Variants in TLE1 observed in about 807,000 individuals in gnomAD.
TLE1 encodes the protein TLE family member 1, transcriptional corepressor, also known as transducin-like enhancer protein 1.
In TLE1, 21 loss-of-function variants were observed where a neutral mutation model predicts 89.8. That is an observed-to-expected ratio of 0.23 (90% confidence interval 0.17 to 0.34). TLE1 has a LOEUF of 0.34. Among genes scored for constraint, TLE1 ranks in the 10% least tolerant of loss-of-function variants. The probability of loss-of-function intolerance (pLI) is 1.00; values close to 1 mark genes in which losing one functional copy is unlikely to be tolerated. For missense variants in TLE1, 795 were observed against 1,031.2 expected, an observed-to-expected ratio of 0.77 and a Z score of 3.14; for synonymous variants, 447 against 407.6, an observed-to-expected ratio of 1.10 and a Z score of -1.16.
At chr9:81,594,485 G>C (rs1008917327) in intron 14 of TLE1, among the ~76,000 whole-genome samples, 1 of 151,598 alleles carries the variant, frequency 6.6e-6, no homozygotes, top group Non-Finnish European at 1.5e-5. Context: ...TGGACAATGA[G>C]AACAATGAGA....
At chr9:81,620,987 C>A in intron 8 of TLE1, 1 of 437,910 alleles carries the variant, frequency 2.3e-6, no homozygotes, top group Non-Finnish European at 4.5e-6. Flanking sequence ...TCTAAAAAGG[C>A]ACAAAGGAAG....
Position 81,641,492 on chromosome 9 carries a change from T to C in TLE1, c.373-7191A>G, listed in dbSNP as rs74332268. 7.7e-3 allele frequency among the ~76,000 whole-genome samples: 1,177 copies of C among 152,270 alleles called. 17 individuals are homozygous for C. The highest frequency in any genetic ancestry group is 0.025 in the African/African-American group (1,018 of 41,538). On this transcript the variant is annotated intron_variant, in intron 6 of 19. Coordinates refer to ENST00000376499, the MANE Select transcript of TLE1 (RefSeq NM_005077.5). ...CAATGCAGGAGCACACAGAAAATGATGCATGGGCAACCTAAGGAATGGGAG... is the reference window on the plus strand; with the variant it reads ...CAATGCAGGAGCACACAGAAAATGACGCATGGGCAACCTAAGGAATGGGAG...
chr9:81,647,772 T>C (rs10867791), intron 6 of TLE1, among the ~76,000 whole-genome samples: 40,338 of 152,016 alleles, frequency 0.27, 5,408 homozygotes, highest in Non-Finnish European at 0.29. Context: ...GGCAGCTAAG[T>C]ATCCTCCCCA....
Position 81,593,204 on chromosome 9 carries a change from C to T in TLE1, c.1402G>A (p.Gly468Arg), listed in dbSNP as rs747017689. Reference sequence around the variant, plus strand: ...CGAGCATGCCGGGGGATTCCGGGTCCGATGAGGGCGTCGGGGGGAAAAGGG... The same window carrying T: ...CGAGCATGCCGGGGGATTCCGGGTCTGATGAGGGCGTCGGGGGGAAAAGGG... The part of the protein sequence containing the change: ...PVPFPPDALI[G>R]PGIPRHARQI... The change falls in exon 15 of 20, where the codon GGA becomes AGA. Residue 468 changes from glycine (G) to arginine (R), a missense_variant. Coordinates refer to ENST00000376499, the MANE Select transcript of TLE1 (RefSeq NM_005077.5). 3.1e-6 allele frequency: 5 copies of T among 1,614,106 alleles called. No homozygotes were observed. Among genetic ancestry groups the T allele is most frequent in the East Asian group, 2.2e-5 (1 of 44,868 alleles).
intron 4 of TLE1, among the ~76,000 whole-genome samples, chr9:81,677,243 C>G (rs542673773): frequency 9.8e-4 from 143 of 145,488 alleles, no homozygotes; most frequent in Non-Finnish European, 1.2e-3. Flanking sequence ...TCTTCCCCCC[C>G]CCAAAAAAAA....
chr9:81,681,736 A>G (rs1833655181), intron 4 of TLE1, among the ~76,000 whole-genome samples: 1 of 152,092 alleles, frequency 6.6e-6, no homozygotes, highest in South Asian at 2.1e-4. Context: ...AGTACTGCTC[A>G]GTAGTTTTAT....
chr9:81,632,005 G>A (rs755990174), intron 8 of TLE1, among the ~76,000 whole-genome samples: 7 of 152,046 alleles, frequency 4.6e-5, no homozygotes, highest in East Asian at 1.9e-4. Flanking sequence ...CAGAAAAATC[G>A]CTTGAACCCA....
intron 14 of TLE1, among the ~76,000 whole-genome samples, chr9:81,595,797 C>G (rs1397875186): frequency 7.9e-6 from 1 of 127,300 alleles, no homozygotes; most frequent in Admixed American, 9.1e-5. Context: ...CCAGCCTGGG[C>G]GACAGAGACT....
At chr9:81,678,551 C>T (rs1231140003) in intron 4 of TLE1, among the ~76,000 whole-genome samples, 1 of 152,098 alleles carries the variant, frequency 6.6e-6, no homozygotes, top group Non-Finnish European at 1.5e-5. Context: ...CAGTGGCTCA[C>T]GCCTGTTAAT....
Position 81,616,134 on chromosome 9 carries a change from C to A in TLE1, c.766G>T (p.Asp256Tyr). ...DNLVVDVSNEDPSSPRASPAH... is the reference protein window; with the variant it reads ...DNLVVDVSNEYPSSPRASPAH... ...GGGCTTGCTCGCGGAGAAGAAGGGT[C>A]CTCAACAAGCATAATCAAAAGTTTT... The change falls in exon 11 of 20, where the codon GAC becomes TAC. Residue 256 changes from aspartate (D) to tyrosine (Y), a missense_variant and splice_region_variant. Asp to Tyr is a radical substitution (Grantham distance 160). This residue lies in a region of TLE1 where 468 missense variants were observed against 509.1 expected (regional missense o/e 0.92). Transcript: ENST00000376499. The A allele has an allele frequency of 6.2e-7, 1 of 1,603,438 alleles. No homozygotes were observed. Among genetic ancestry groups the A allele is most frequent in the South Asian group, 1.1e-5 (1 of 88,936 alleles).
intron 6 of TLE1, among the ~76,000 whole-genome samples, chr9:81,642,485 A>T (rs552515416): frequency 5.2e-4 from 79 of 151,946 alleles, no homozygotes; most frequent in Non-Finnish European, 7.9e-4. Flanking sequence ...TGAGGTCAGG[A>T]GTTCGAGACC....
At chr9:81,631,191 A>C (rs1352909047) in intron 8 of TLE1, among the ~76,000 whole-genome samples, 1 of 152,238 alleles carries the variant, frequency 6.6e-6, no homozygotes. Flanking sequence ...TAACTCAAGA[A>C]CTGCTTCATA....
At chr9:81,632,501 T>C (rs982054776) in intron 8 of TLE1, among the ~76,000 whole-genome samples, 9 of 139,028 alleles carry the variant, frequency 6.5e-5, no homozygotes, top group African/African-American at 2.4e-4. Flanking sequence ...TTTTTTACCA[T>C]ATTAAACACA....
rs773343619 is a variant in TLE1 at position 81,687,345 on chromosome 9, C to T, written c.114G>A (p.Ala38=). 6.9e-6 allele frequency: 11 copies of T among 1,605,356 alleles called. No homozygotes were observed. The highest frequency in any genetic ancestry group is 8.5e-6 in the Non-Finnish European group (10 of 1,177,450). The change falls in exon 2 of 20, where the codon GCG becomes GCA. Residue 38 remains alanine, a synonymous_variant. Coordinates refer to ENST00000376499, the MANE Select transcript of TLE1 (RefSeq NM_005077.5). ...RIKEEFQFLQ[A]QYHSLKLECE... The stretch of plus-strand genomic sequence containing the variant: ...GGCCGGACACGCACCTGTGATACTG[C>T]GCCTGCAGGAACTGGAATTCCTCTT...
intron 6 of TLE1, 96 bp downstream of exon 6, chr9:81,652,117 AC>A: frequency 8.6e-7 from 1 of 1,163,052 alleles, no homozygotes; most frequent in Admixed American, 1.8e-5. Context: ...ACACACACAC[AC>A]ACACACACAC....
At chr9:81,614,612 C>T (rs1824177082) in intron 11 of TLE1, among the ~76,000 whole-genome samples, 1 of 152,136 alleles carries the variant, frequency 6.6e-6, no homozygotes, top group African/African-American at 2.4e-5. Flanking sequence ...TTCATCCCTC[C>T]CAACCGGTAA....
At position 81,613,493 on chromosome 9, in the gene TLE1, T is replaced by C; in HGVS notation, c.947A>G (p.Lys316Arg). ...LHEKASTPVL[K>R]SSTPTPRSDM... ...GCTCCGAGGCGTTGGTGTGCTGGATTTCAGAACAGGCGTGCTGGCTTTTTC... is the reference window on the plus strand; with the variant it reads ...GCTCCGAGGCGTTGGTGTGCTGGATCTCAGAACAGGCGTGCTGGCTTTTTC... Residue 316 changes from lysine to arginine, a missense_variant, in exon 12 of 20, where the codon AAA (lysine) becomes AGA (arginine). By Grantham distance (26) the Lys-to-Arg change is conservative. Coordinates refer to ENST00000376499, the MANE Select transcript of TLE1 (RefSeq NM_005077.5). 1 of 1,614,218 alleles carries C rather than the reference T, an allele frequency of 6.2e-7. No individual in the cohort carries two copies. The highest frequency in any genetic ancestry group is 2.2e-5 in the East Asian group (1 of 44,874).
chr9:81,616,104 G>A lies in TLE1; in HGVS notation c.796C>T (p.His266Tyr). The A allele has an allele frequency of 6.2e-7, 1 of 1,613,850 alleles. No individual in the cohort carries two copies. The highest frequency in any genetic ancestry group is 8.5e-7 in the Non-Finnish European group (1 of 1,180,002). The change falls in exon 11 of 20, where the codon CAC (histidine) becomes TAC (tyrosine). Residue 266 changes from histidine to tyrosine, a missense_variant. His to Tyr is a moderately conservative substitution (Grantham distance 83, BLOSUM62 2). Transcript: ENST00000376499. The part of the protein sequence containing the change: ...DPSSPRASPA[H>Y]SPRENGIDKN... The stretch of plus-strand genomic sequence containing the variant: ...TCGATTCCATTTTCCCGGGGCGAGT[G>A]GGCAGGGCTTGCTCGCGGAGAAGAA...
chr9:81,591,986 G>A (rs557465297), intron 15 of TLE1, among the ~76,000 whole-genome samples: 3 of 152,242 alleles, frequency 2.0e-5, no homozygotes, highest in Admixed American at 1.3e-4. Flanking sequence ...ACCACACCAG[G>A]GCAGGGCAGG....
Sources: allele counts gnomAD v4.1 joint callset (sites outside exome capture counted in the v4.1 genomes callset), GRCh38; gene constraint gnomAD v4.1.1; regional missense constraint gnomAD v4.1.1; transcripts MANE v1.5; gene names NCBI Gene and HGNC (gene_info 2026-07-23, HGNC 2026-07-21).